GABRA5: variants seen among roughly 807,000 people sequenced by gnomAD.
The protein encoded by GABRA5 is gamma-aminobutyric acid type A receptor subunit alpha5, also known as gamma-aminobutyric acid receptor subunit alpha-5.
GABRA5 carries 18 observed loss-of-function variants against 47.3 expected under a neutral mutation model. The observed-to-expected ratio is 0.38, with a 90% CI of 0.26 to 0.56. The LOEUF (loss-of-function observed/expected upper bound fraction) is 0.56, where lower values mean the gene tolerates loss of function less well. GABRA5 is among the 20% of genes least tolerant of loss of function. The probability of loss-of-function intolerance (pLI) is 0.71; values close to 1 mark genes in which losing one functional copy is unlikely to be tolerated. For missense variants in GABRA5, 365 were observed against 599.3 expected (o/e 0.61, Z 4.08); for synonymous variants, 237 against 229.3 (o/e 1.03, Z -0.30).
rs1892797404 is a variant in GABRA5 at position 26,883,599 on chromosome 15, G to A, written c.497+42G>A. 6.9e-7 allele frequency: 1 copy of A among 1,440,454 alleles called. No individual in the cohort carries two copies. Among genetic ancestry groups the A allele is most frequent in the Non-Finnish European group, 9.3e-7 (1 of 1,071,912 alleles). 89.2% of individuals were successfully genotyped at this position (1,440,454 alleles called of 1,614,324 possible). On this transcript the variant is annotated intron_variant, in intron 6 of 10. Transcript: ENST00000335625. The surrounding 1 kb of genome is among the most constrained non-coding windows in gnomAD (Gnocchi z 4.8). ...GGCGGGCGGGGCCGGGGGACGGTGC[G>A]GGGCAGGCGCGGCTGCCCATCCTGC... is the stretch of plus-strand genomic sequence containing the variant.
At chr15:26,874,327 T>TA (rs369905022) in intron 3 of GABRA5, among the ~76,000 whole-genome samples, 71 of 151,638 alleles carry the variant, frequency 4.7e-4, no homozygotes, top group African/African-American at 8.2e-4. Flanking sequence ...ATTTTTTTTT[T>TA]AAATGCACTG....
intron 7 of GABRA5, among the ~76,000 whole-genome samples, chr15:26,921,126 G>A (rs180790918): frequency 6.6e-6 from 1 of 152,108 alleles, no homozygotes; most frequent in East Asian, 1.9e-4. Flanking sequence ...TGGTGCCAGG[G>A]TAATCCTGGC....
intron 7 of GABRA5, among the ~76,000 whole-genome samples, chr15:26,925,734 T>C (rs1465944022): frequency 6.6e-6 from 1 of 152,192 alleles, no homozygotes. Context: ...TCCTGGATAT[T>C]TTATGGTTAT....
intron 9 of GABRA5, 88 bp from the exon 10 acceptor site, chr15:26,943,127 A>G (rs1306868768): frequency 8.3e-6 from 7 of 843,008 alleles, no homozygotes; most frequent in African/African-American, 7.0e-5. Context: ...CTTTGTGTCT[A>G]TCACTTTGGG....
At chr15:26,902,335 C>T (rs914162238) in intron 6 of GABRA5, among the ~76,000 whole-genome samples, 1 of 151,978 alleles carries the variant, frequency 6.6e-6, no homozygotes, top group South Asian at 2.1e-4. Flanking sequence ...TCTTGTTTTT[C>T]CCCTAAATAT....
At chr15:26,894,128 C>T (rs934611047) in intron 6 of GABRA5, among the ~76,000 whole-genome samples, 2 of 152,120 alleles carry the variant, frequency 1.3e-5, no homozygotes, top group East Asian at 1.9e-4. Context: ...GGGCAGAAGC[C>T]CTGCCCAGAC....
intron 7 of GABRA5, among the ~76,000 whole-genome samples, chr15:26,925,083 A>G (rs1893929273): frequency 6.6e-6 from 1 of 152,088 alleles, no homozygotes; most frequent in African/African-American, 2.4e-5. Flanking sequence ...CATCTTTCTG[A>G]AAGTGGCAAT....
At position 26,924,629 on chromosome 15, in the gene GABRA5, CA is replaced by C. The variant is rs1237083753; in HGVS notation, c.580+9745del. Among the ~76,000 whole-genome samples, 27 of 152,296 alleles carry C rather than the reference CA, an allele frequency of 1.8e-4. 1 individual carries two copies. Among genetic ancestry groups the C allele is most frequent in the African/African-American group, 5.5e-4 (23 of 41,568 alleles). On this transcript the variant is annotated intron_variant, in intron 7 of 10. Transcript: ENST00000335625. ...GTGGCCTTCTCTGGTGTCACTCCAT[CA>C]GTGGGTTGGGCACCTGGTGAGGGCA... is the stretch of plus-strand genomic sequence containing the variant.
intron 6 of GABRA5, among the ~76,000 whole-genome samples, chr15:26,890,692 C>T (rs563792019): frequency 7.2e-5 from 11 of 152,258 alleles, no homozygotes; most frequent in African/African-American, 2.6e-4. Context: ...CTGTGTTCCC[C>T]ACAGAGCGTC....
At chr15:26,895,457 A>C (rs1336622822) in intron 6 of GABRA5, among the ~76,000 whole-genome samples, 1 of 152,070 alleles carries the variant, frequency 6.6e-6, no homozygotes, top group Non-Finnish European at 1.5e-5. Flanking sequence ...ACTTGGGAGA[A>C]GTTATCCAAC....
At chr15:26,942,455 A>G in intron 9 of GABRA5, among the ~76,000 whole-genome samples, 1 of 152,288 alleles carries the variant, frequency 6.6e-6, no homozygotes, top group Middle Eastern at 3.4e-3. Flanking sequence ...TCTGGCTCTT[A>G]CAAGTCTGCA....
intron 6 of GABRA5, among the ~76,000 whole-genome samples, chr15:26,896,858 C>T (rs559139847): frequency 7.2e-5 from 11 of 152,052 alleles, no homozygotes; most frequent in Non-Finnish European, 1.0e-4. Context: ...TCCATTTCCT[C>T]GGGTGATTTA....
At chr15:26,896,087 C>T (rs1236113834) in intron 6 of GABRA5, among the ~76,000 whole-genome samples, 1 of 152,182 alleles carries the variant, frequency 6.6e-6, no homozygotes, top group Non-Finnish European at 1.5e-5. Context: ...TGCTGGGCAA[C>T]CGCTGACCGC....
At chr15:26,888,689 A>G (rs1892936057) in intron 6 of GABRA5, among the ~76,000 whole-genome samples, 1 of 152,216 alleles carries the variant, frequency 6.6e-6, no homozygotes, top group African/African-American at 2.4e-5. Flanking sequence ...ACCATTACGT[A>G]AGTTATAAAG....
At chr15:26,875,690 G>A (rs1200580586) in intron 3 of GABRA5, among the ~76,000 whole-genome samples, 1 of 152,092 alleles carries the variant, frequency 6.6e-6, no homozygotes, top group East Asian at 1.9e-4. Context: ...TGAGGAAGTG[G>A]GAGACGGGGA....
chr15:26,903,941 T>A (rs1276608159), intron 6 of GABRA5, among the ~76,000 whole-genome samples: 1 of 152,170 alleles, frequency 6.6e-6, no homozygotes, highest in East Asian at 1.9e-4. Flanking sequence ...GATAGTTCCC[T>A]TTGCTGTGCA....
chr15:26,872,182 G>T (rs1057315482), intron 3 of GABRA5, among the ~76,000 whole-genome samples: 1 of 152,104 alleles, frequency 6.6e-6, no homozygotes, highest in African/African-American at 2.4e-5. Flanking sequence ...GTCAAATCCC[G>T]ATTGAAATTT....
chr15:26,869,065 G>T lies in GABRA5; in HGVS notation c.-74-110G>T. On this transcript the variant is annotated intron_variant, in intron 2 of 10. Transcript: ENST00000335625. ...TGTGCAGCTGTCCTGGGGAAGGACA[G>T]CGGGCTCCTTTCTTTGCAAATTGTT... The T allele has an allele frequency of 1.2e-5, 7 of 568,170 alleles. No individual in the cohort carries two copies. In the East Asian group the frequency reaches 1.7e-4, roughly 14 times the overall value. 35.2% of individuals were successfully genotyped at this position (568,170 alleles called of 1,614,324 possible).
chr15:26,883,345 C>G lies in GABRA5; in HGVS notation c.285C>G (p.Thr95=), dbSNP rs1566866167. Residue 95 remains threonine (T), a synonymous_variant, in exon 6 of 11, where the codon ACC becomes ACG. Transcript: ENST00000335625. This position sits in a 1 kb window ranked among gnomAD's most constrained non-coding sequence, Gnocchi z 4.8. ...GCCTTCCTTTCCACTAGGAGTACAC[C>G]ATAGACGTGTTTTTCCGACAAAGCT... ...GPVSDTEMEY[T]IDVFFRQSWK... is the part of the protein sequence containing the mutation. The G allele has an allele frequency of 1.2e-6, 2 of 1,613,872 alleles. No individual in the cohort carries two copies. Among genetic ancestry groups the G allele is most frequent in the East Asian group, 2.2e-5 (1 of 44,880 alleles).
Sources: allele counts gnomAD v4.1 joint callset (sites outside exome capture counted in the v4.1 genomes callset), GRCh38; gene constraint gnomAD v4.1.1; non-coding constraint Gnocchi (gnomAD v3.1); transcripts MANE v1.5; gene names NCBI Gene and HGNC (gene_info 2026-07-23, HGNC 2026-07-21).